Variants in THSD7B observed in about 807,000 individuals in gnomAD.
THSD7B encodes the protein thrombospondin type-1 domain-containing protein 7B.
In THSD7B, 138 loss-of-function variants were observed where a neutral mutation model predicts 213.6. The observed-to-expected ratio is 0.65, with a 90% CI of 0.56 to 0.74. THSD7B has a LOEUF of 0.74. Among genes scored for constraint, THSD7B ranks in the 30% least tolerant of loss-of-function variants. The probability of loss-of-function intolerance (pLI) is 0.00; values close to 1 mark genes in which losing one functional copy is unlikely to be tolerated. For missense variants in THSD7B, 1,931 were observed against 1,991.5 expected, an observed-to-expected ratio of 0.97 and a Z score of 0.58; for synonymous variants, 742 against 687.0, an observed-to-expected ratio of 1.08 and a Z score of -1.25.
At chr2:136,879,590 C>T (rs909764032) in intron 1 of THSD7B, among the ~76,000 whole-genome samples, 13 of 152,102 alleles carry the variant, frequency 8.5e-5, no homozygotes, top group African/African-American at 1.2e-4. Context: ...TCTTTTATTT[C>T]GTTGAGCAGT....
chr2:137,509,141 G>A (rs1679904921), intron 15 of THSD7B, among the ~76,000 whole-genome samples: 1 of 152,136 alleles, frequency 6.6e-6, no homozygotes, highest in South Asian at 2.1e-4. Flanking sequence ...GACTCAAATT[G>A]TTTAAAGAGA....
chr2:137,042,566 AT>A (rs1047493302), intron 2 of THSD7B, among the ~76,000 whole-genome samples: 3 of 152,162 alleles, frequency 2.0e-5, no homozygotes, highest in African/African-American at 7.2e-5. Context: ...TCCCAAATTT[AT>A]TTAATAACAA....
intron 20 of THSD7B, among the ~76,000 whole-genome samples, chr2:137,628,620 C>T (rs1330786105): frequency 6.6e-6 from 1 of 152,220 alleles, no homozygotes; most frequent in African/African-American, 2.4e-5. Flanking sequence ...AAAAGACCCA[C>T]TCTGGATATC....
chr2:137,498,934 GGA>G (rs1453535626), intron 15 of THSD7B, among the ~76,000 whole-genome samples: 1 of 152,156 alleles, frequency 6.6e-6, no homozygotes, highest in East Asian at 1.9e-4. Context: ...CCCTTGCCAT[GGA>G]TATGGGCATT....
At chr2:136,901,693 C>T (rs1182318828) in intron 2 of THSD7B, among the ~76,000 whole-genome samples, 1 of 152,154 alleles carries the variant, frequency 6.6e-6, no homozygotes, top group East Asian at 1.9e-4. Flanking sequence ...AGAAATTCCC[C>T]CCAGGGAGTT....
chr2:136,853,262 A>G (rs1159449775), intron 1 of THSD7B, among the ~76,000 whole-genome samples: 3 of 152,110 alleles, frequency 2.0e-5, no homozygotes, highest in Non-Finnish European at 2.9e-5. Context: ...TCCATATGGA[A>G]TCCAGGATCT....
intron 5 of THSD7B, among the ~76,000 whole-genome samples, chr2:137,135,214 T>A (rs1241643026): frequency 6.6e-6 from 1 of 152,218 alleles, no homozygotes; most frequent in Non-Finnish European, 1.5e-5. Context: ...TCCAGTTCTT[T>A]TACTAATTTT....
At chr2:137,099,583 A>G (rs915721373) in intron 4 of THSD7B, among the ~76,000 whole-genome samples, 4 of 152,216 alleles carry the variant, frequency 2.6e-5, no homozygotes, top group African/African-American at 9.6e-5. Context: ...CATCTTTCTT[A>G]GAAGAGATAC....
At chr2:136,799,900 C>T (rs1682145026) in intron 1 of THSD7B, among the ~76,000 whole-genome samples, 1 of 151,856 alleles carries the variant, frequency 6.6e-6, no homozygotes, top group Admixed American at 6.6e-5. Context: ...TACTTCTGCC[C>T]TCAATAACAT....
At chr2:136,957,433 C>T (rs1029644471) in intron 2 of THSD7B, among the ~76,000 whole-genome samples, 25 of 116,296 alleles carry the variant, frequency 2.1e-4, no homozygotes, top group East Asian at 2.1e-4. Flanking sequence ...TGGGCCAATA[C>T]AACGTTTTTT....
At chr2:136,938,421 T>TA (rs1212139842) in intron 2 of THSD7B, among the ~76,000 whole-genome samples, 1 of 152,168 alleles carries the variant, frequency 6.6e-6, no homozygotes, top group East Asian at 1.9e-4. Flanking sequence ...GCATATTTTT[T>TA]TTTGTGCTTT....
chr2:137,207,058 A>G (rs1248106226), intron 7 of THSD7B, among the ~76,000 whole-genome samples: 1 of 152,020 alleles, frequency 6.6e-6, no homozygotes, highest in African/African-American at 2.4e-5. Context: ...GTTAGGAAGA[A>G]AAGACATTTT....
At chr2:137,280,656 G>T (rs1299003871) in intron 12 of THSD7B, among the ~76,000 whole-genome samples, 1 of 152,074 alleles carries the variant, frequency 6.6e-6, no homozygotes, top group African/African-American at 2.4e-5. Context: ...ACTTCAAGGA[G>T]ACCCACGTGT....
Position 136,810,391 on chromosome 2 carries a change from G to A in THSD7B, c.-36+44704G>A, listed in dbSNP as rs189137251. On this transcript the variant is annotated intron_variant, in intron 1 of 27. Coordinates refer to ENST00000409968, the MANE Select transcript of THSD7B (RefSeq NM_001316349.2). The stretch of plus-strand genomic sequence containing the variant: ...AATGTCTCTATACGACTATAAAAGT[G>A]GTCACTAAGTGTAAAAAGAGAGTCA... Among the ~76,000 whole-genome samples, 14 of 152,298 alleles carry A rather than the reference G, an allele frequency of 9.2e-5. No homozygotes were observed. The East Asian group carries it at 2.3e-3, about 25-fold the overall frequency.
chr2:137,344,202 A>G (rs1337222659), intron 12 of THSD7B, among the ~76,000 whole-genome samples: 1 of 151,646 alleles, frequency 6.6e-6, no homozygotes, highest in African/African-American at 2.4e-5. Context: ...CCACTCCCCC[A>G]TATCTGTGGA....
chr2:136,869,573 T>C (rs539908158), intron 1 of THSD7B, among the ~76,000 whole-genome samples: 4 of 152,336 alleles, frequency 2.6e-5, no homozygotes, highest in Admixed American at 2.6e-4. Flanking sequence ...TGAATAATAA[T>C]GTAAAACGGT....
chr2:137,497,663 C>T (rs1310088267), intron 15 of THSD7B, among the ~76,000 whole-genome samples: 1 of 151,878 alleles, frequency 6.6e-6, no homozygotes, highest in African/African-American at 2.4e-5. Context: ...TTTCCTCTCG[C>T]ATATGGATAA....
chr2:136,922,307 C>T (rs1684449274), intron 2 of THSD7B, among the ~76,000 whole-genome samples: 1 of 152,218 alleles, frequency 6.6e-6, no homozygotes, highest in South Asian at 2.1e-4. Context: ...GGACCCTTCT[C>T]TCTGCACCTG....
At position 137,117,800 on chromosome 2, in the gene THSD7B, C is replaced by CATA. The variant is rs1688470726; in HGVS notation, c.1369+2519_1369+2521dup. 2.0e-5 allele frequency among the ~76,000 whole-genome samples: 3 copies of CATA among 152,074 alleles called. No homozygotes were observed. In the South Asian group the frequency reaches 6.2e-4, roughly 32 times the overall value. On this transcript the variant is annotated intron_variant, in intron 5 of 27. Coordinates refer to ENST00000409968, the MANE Select transcript of THSD7B (RefSeq NM_001316349.2). ...CAGAATGCATATAATTTCTAGATGC[C>CATA]ATAATAATAATAATTTTAAAAAATG...
Sources: allele counts gnomAD v4.1 joint callset (sites outside exome capture counted in the v4.1 genomes callset), GRCh38; gene constraint gnomAD v4.1.1; transcripts MANE v1.5; gene names NCBI Gene and HGNC (gene_info 2026-07-23, HGNC 2026-07-21).